ELL: variants seen among roughly 807,000 people sequenced by gnomAD.
The protein encoded by ELL is elongation factor for RNA polymerase II, also known as RNA polymerase II elongation factor ELL.
In ELL, 18 loss-of-function variants were observed where a neutral mutation model predicts 64.0. The observed-to-expected ratio is 0.28, with a 90% CI of 0.19 to 0.42. The LOEUF (loss-of-function observed/expected upper bound fraction) is 0.42, where lower values mean the gene tolerates loss of function less well. Among genes scored for constraint, ELL ranks in the 10% least tolerant of loss-of-function variants. The pLI, the probability that ELL is intolerant of heterozygous loss-of-function variation, is 1.00. For synonymous variants in ELL, 399 were observed against 376.2 expected (o/e 1.06, Z -0.70); for missense variants, 797 against 870.4 (o/e 0.92, Z 1.06).
intron 10 of ELL, chr19:18,446,020 G>T: frequency 2.3e-6 from 1 of 430,016 alleles, no homozygotes; most frequent in South Asian, 3.1e-5. Context: ...GCTCAAACAT[G>T]TGGGGATCCA....
intron 5 of ELL, among the ~76,000 whole-genome samples, chr19:18,459,605 C>A (rs1401968474): frequency 1.3e-5 from 2 of 150,282 alleles, no homozygotes; most frequent in African/African-American, 4.9e-5. Flanking sequence ...CTGCAAGCTC[C>A]GCCTCCCGGG....
In ELL at chr19:18,458,333, C is replaced by A. The variant is rs1974726078; in HGVS notation, c.745-4G>T. On this transcript the variant is annotated splice_region_variant and splice_polypyrimidine_tract_variant and intron_variant, in intron 5 of 11. Transcript: ENST00000262809. ...CCTTAGCACTCATGTTGGCCACCTG[C>A]AAGACAGAGCCAGCCATCACTTTGT... is the stretch of plus-strand genomic sequence containing the variant. 6.2e-7 allele frequency: 1 copy of A among 1,607,906 alleles called. No individual in the cohort carries two copies. Among genetic ancestry groups the A allele is most frequent in the South Asian group, 1.1e-5 (1 of 90,854 alleles).
chr19:18,502,429 G>A (rs1600494975), intron 1 of ELL, among the ~76,000 whole-genome samples: 1 of 152,140 alleles, frequency 6.6e-6, no homozygotes, highest in African/African-American at 2.4e-5. Flanking sequence ...CCTCGCAGTG[G>A]GCAGGGCTGC....
intron 8 of ELL, chr19:18,448,269 C>T (rs889050349): frequency 2.0e-5 from 3 of 149,258 alleles, no homozygotes; most frequent in Non-Finnish European, 4.4e-5. Flanking sequence ...CTGCACTATC[C>T]CCTGAGAGAG....
intron 1 of ELL, among the ~76,000 whole-genome samples, chr19:18,516,080 G>A (rs1229276312): frequency 6.6e-6 from 1 of 152,074 alleles, no homozygotes; most frequent in East Asian, 1.9e-4. Flanking sequence ...AGAACCAAGG[G>A]GGGTGCCCAC....
At chr19:18,462,687 C>G (rs1400835600) in intron 4 of ELL, among the ~76,000 whole-genome samples, 1 of 152,180 alleles carries the variant, frequency 6.6e-6, no homozygotes, top group Non-Finnish European at 1.5e-5. Flanking sequence ...CAACCTGAGG[C>G]AGGGGCTGTT....
chr19:18,473,963 C>T (rs1291730521), intron 1 of ELL, among the ~76,000 whole-genome samples: 1 of 152,202 alleles, frequency 6.6e-6, no homozygotes, highest in African/African-American at 2.4e-5. Context: ...CATAGCTCTC[C>T]CCAGAGGGCA....
At chr19:18,468,851 G>GT (rs1470440980) in intron 2 of ELL, among the ~76,000 whole-genome samples, 1 of 152,220 alleles carries the variant, frequency 6.6e-6, no homozygotes. Flanking sequence ...AGAGCTGGCA[G>GT]TGAGACCAGG....
chr19:18,478,366 C>T (rs1975222669), intron 1 of ELL, among the ~76,000 whole-genome samples: 1 of 152,208 alleles, frequency 6.6e-6, no homozygotes. Context: ...CTCAGTAGCA[C>T]ATGACACCTG....
At chr19:18,508,464 T>C (rs746352745) in intron 1 of ELL, among the ~76,000 whole-genome samples, 4 of 152,224 alleles carry the variant, frequency 2.6e-5, no homozygotes, top group Admixed American at 2.0e-4. Flanking sequence ...CTTCTAGATG[T>C]CCCATTAGTG....
intron 2 of ELL, among the ~76,000 whole-genome samples, chr19:18,470,497 G>C (rs1975042446): frequency 6.6e-6 from 1 of 152,250 alleles, no homozygotes; most frequent in Non-Finnish European, 1.5e-5. Context: ...TCTGACCCCT[G>C]AGAGAATGTC....
At position 18,445,272 on chromosome 19, in the gene ELL, G is replaced by A. The variant is rs1445517213; in HGVS notation, c.1705-4C>T. On this transcript the variant is annotated splice_region_variant and splice_polypyrimidine_tract_variant and intron_variant, in intron 10 of 11. Transcript: ENST00000262809. ...GCAAAATCTGCCCTCGAGTAGTCTA[G>A]AAGAAAAACAAAATTTTGAGAAAAC... is the stretch of plus-strand genomic sequence containing the variant. 6.2e-6 allele frequency: 10 copies of A among 1,606,452 alleles called. No homozygotes were observed. The highest frequency in any genetic ancestry group is 2.2e-5 in the East Asian group (1 of 44,488).
At chr19:18,497,567 C>A (rs1975683633) in intron 1 of ELL, among the ~76,000 whole-genome samples, 1 of 152,032 alleles carries the variant, frequency 6.6e-6, no homozygotes, top group South Asian at 2.1e-4. Context: ...CACCTGTAAT[C>A]CCAGCACTTT....
chr19:18,458,490 G>T (rs1218074566), intron 5 of ELL, among the ~76,000 whole-genome samples, 161 bp from the exon 6 acceptor site: 2 of 152,060 alleles, frequency 1.3e-5, no homozygotes, highest in Admixed American at 6.6e-5. Flanking sequence ...GATCCGTGAT[G>T]TCTCCCACCC....
At chr19:18,518,136 C>G (rs1018801454) in intron 1 of ELL, among the ~76,000 whole-genome samples, 1 of 150,500 alleles carries the variant, frequency 6.6e-6, no homozygotes, top group Non-Finnish European at 1.5e-5. Context: ...TGCAGTGAGC[C>G]AAGATAACAC....
At chr19:18,458,121 C>G in intron 6 of ELL, 84 bp downstream of exon 6, 3 of 1,570,606 alleles carry the variant, frequency 1.9e-6, no homozygotes, top group Non-Finnish European at 1.7e-6. Flanking sequence ...CAGGACCACA[C>G]AAGACCACCC....
chr19:18,452,563 T>C (rs1568376728), intron 6 of ELL, among the ~76,000 whole-genome samples: 1 of 152,214 alleles, frequency 6.6e-6, no homozygotes, highest in Non-Finnish European at 1.5e-5. Context: ...TGGTGACTGC[T>C]GCAGGATCCA....
At chr19:18,461,450 T>TGA in intron 5 of ELL, 128 bp downstream of exon 5, 1 of 1,430,794 alleles carries the variant, frequency 7.0e-7, no homozygotes, top group Non-Finnish European at 9.3e-7. Flanking sequence ...TCTGAACCTG[T>TGA]GAGAGACCCC....
chr19:18,467,660 CACACACACACACAA>C (rs1404053722), intron 2 of ELL, among the ~76,000 whole-genome samples: 42 of 122,760 alleles, frequency 3.4e-4, no homozygotes, highest in Non-Finnish European at 4.7e-4. Context: ...CACACACACA[CACACACACACACAA>C]ACACAACCCC....
Sources: gnomAD v4.1 joint callset for allele counts (sites outside exome capture counted in the v4.1 genomes callset) on GRCh38, gnomAD v4.1.1 for gene constraint, MANE v1.5 for transcripts, NCBI Gene and HGNC (gene_info 2026-07-23, HGNC 2026-07-21) for gene names.